The following MINDY3 variants were observed in gnomAD, a reference collection of about 807,000 sequenced individuals.
The protein encoded by MINDY3 is MINDY lysine 48 deubiquitinase 3.
In MINDY3, 38 loss-of-function variants were observed where a neutral mutation model predicts 69.2. The ratio of observed to expected loss-of-function variants is 0.55; its 90% CI spans 0.42 to 0.72. The LOEUF (loss-of-function observed/expected upper bound fraction) is 0.72. MINDY3 is among the 30% of genes least tolerant of loss of function. MINDY3 has a pLI of 0.00. For missense variants in MINDY3, 522 were observed against 519.0 expected, an observed-to-expected ratio of 1.01 and a Z score of -0.06; for synonymous variants, 192 against 180.1, an observed-to-expected ratio of 1.07 and a Z score of -0.53.
At chr10:15,827,309 A>C (rs2132028716) in intron 8 of MINDY3, among the ~76,000 whole-genome samples, 1 of 151,966 alleles carries the variant, frequency 6.6e-6, no homozygotes, top group South Asian at 2.1e-4. Flanking sequence ...TGGAAGGCCG[A>C]GGTTGACGGA....
At chr10:15,845,328 T>A (rs1833754342) in intron 2 of MINDY3, among the ~76,000 whole-genome samples, 1 of 152,164 alleles carries the variant, frequency 6.6e-6, no homozygotes, top group Non-Finnish European at 1.5e-5. Context: ...TATTATGTAT[T>A]TGGTTCCATT....
intron 10 of MINDY3, among the ~76,000 whole-genome samples, chr10:15,802,626 T>C (rs1838344300): frequency 6.6e-6 from 1 of 152,110 alleles, no homozygotes; most frequent in African/African-American, 2.4e-5. Flanking sequence ...TGAAGTTAAG[T>C]GTAAAACAAG....
intron 10 of MINDY3, among the ~76,000 whole-genome samples, chr10:15,804,189 TTATC>T (rs992010981): frequency 2.6e-5 from 4 of 152,042 alleles, no homozygotes; most frequent in Non-Finnish European, 5.9e-5. Context: ...GCTTTTAAAA[TTATC>T]TAGCCTCACT....
chr10:15,860,304 A>G lies in MINDY3; in HGVS notation c.-5T>C, dbSNP rs2297882. ...CTCTTTAGTCAGTTCGGACATGATG[A>G]GGAACCGGCGGGCGGATCTTCGCTT... is the stretch of plus-strand genomic sequence containing the variant. On this transcript the variant is annotated 5_prime_UTR_variant, in exon 1 of 15. Coordinates refer to ENST00000277632, the MANE Select transcript of MINDY3 (RefSeq NM_024948.4). The G allele has an allele frequency of 0.28, 442,054 of 1,591,298 alleles. 63,952 individuals carry two copies. Among genetic ancestry groups the G allele is most frequent in the African/African-American group, 0.46 (34,565 of 74,708 alleles).
intron 10 of MINDY3, among the ~76,000 whole-genome samples, chr10:15,807,733 G>C (rs1393362040): frequency 1.3e-5 from 2 of 152,108 alleles, no homozygotes; most frequent in Non-Finnish European, 2.9e-5. Flanking sequence ...GAAAAATTCA[G>C]TGGAAAAGAG....
Position 15,827,598 on chromosome 10 carries a change from T to C in MINDY3, c.731-5872A>G, listed in dbSNP as rs991866823. Among the ~76,000 whole-genome samples, 6 of 151,812 alleles carry C rather than the reference T, an allele frequency of 4.0e-5. No homozygotes were observed. The East Asian group carries it at 9.6e-4, about 24-fold the overall frequency. Reference sequence around the variant, plus strand: ...TAAAAGCCTTGGATATAAAAAAATATATCATTAACAAAGTTAACAAGAAAG... The same window carrying C: ...TAAAAGCCTTGGATATAAAAAAATACATCATTAACAAAGTTAACAAGAAAG... On this transcript the variant is annotated intron_variant, in intron 8 of 14. Coordinates refer to ENST00000277632, the MANE Select transcript of MINDY3 (RefSeq NM_024948.4).
intron 10 of MINDY3, among the ~76,000 whole-genome samples, chr10:15,800,839 C>T (rs1375989667): frequency 6.6e-6 from 1 of 152,096 alleles, no homozygotes; most frequent in Non-Finnish European, 1.5e-5. Flanking sequence ...CAAAATACCT[C>T]CTTGTACAAA....
intron 4 of MINDY3, among the ~76,000 whole-genome samples, chr10:15,839,755 T>G (rs1213774135): frequency 6.6e-6 from 1 of 151,634 alleles, no homozygotes; most frequent in Admixed American, 6.6e-5. Flanking sequence ...TAAGGTAAAT[T>G]CTCAAATTTT....
chr10:15,832,929 G>A (rs1338213745), intron 8 of MINDY3, among the ~76,000 whole-genome samples: 3 of 152,176 alleles, frequency 2.0e-5, no homozygotes, highest in Middle Eastern at 3.2e-3. Context: ...GAACCCTGGA[G>A]CTTCGTGTCC....
At chr10:15,793,584 C>T (rs774882009) in intron 11 of MINDY3, among the ~76,000 whole-genome samples, 12 of 151,928 alleles carry the variant, frequency 7.9e-5, no homozygotes, top group Non-Finnish European at 1.6e-4. Flanking sequence ...TTAAAAAGTA[C>T]CTTTTTATGA....
In MINDY3 at chr10:15,860,314, G is replaced by A. The variant is rs766417923; in HGVS notation, c.-15C>T. The stretch of plus-strand genomic sequence containing the variant: ...AGTTCGGACATGATGAGGAACCGGC[G>A]GGCGGATCTTCGCTTTGCGGACTCC... On this transcript the variant is annotated 5_prime_UTR_variant, in exon 1 of 15. Coordinates refer to ENST00000277632, the MANE Select transcript of MINDY3 (RefSeq NM_024948.4). 12 of 1,575,472 alleles carry A rather than the reference G, an allele frequency of 7.6e-6. No individual in the cohort carries two copies. The highest frequency in any genetic ancestry group is 1.0e-5 in the Non-Finnish European group (12 of 1,156,854).
At chr10:15,822,742 T>C (rs1232375369) in intron 8 of MINDY3, among the ~76,000 whole-genome samples, 1 of 151,934 alleles carries the variant, frequency 6.6e-6, no homozygotes, top group Non-Finnish European at 1.5e-5. Flanking sequence ...AACGTCAGGG[T>C]TGGAGATAAA....
At chr10:15,835,162 G>T (rs115864354) in intron 6 of MINDY3, among the ~76,000 whole-genome samples, 2,348 of 152,060 alleles carry the variant, frequency 0.015, 49 homozygotes, top group African/African-American at 0.051. Flanking sequence ...CAAATTAGGA[G>T]GGCAGGAAGT....
At chr10:15,837,734 T>C in intron 5 of MINDY3, 1 of 1,051,938 alleles carries the variant, frequency 9.5e-7, no homozygotes, top group African/African-American at 1.7e-5. Flanking sequence ...CATTTGCGGC[T>C]TCTTTTAAAA....
chr10:15,818,155 C>T (rs1302569053), intron 9 of MINDY3: 1 of 152,190 alleles, frequency 6.6e-6, no homozygotes, highest in African/African-American at 2.4e-5. Context: ...CTGGTCTCAT[C>T]TCAGGCAACT....
intron 8 of MINDY3, among the ~76,000 whole-genome samples, chr10:15,830,797 A>G (rs967931979): frequency 1.3e-5 from 2 of 152,208 alleles, no homozygotes; most frequent in African/African-American, 4.8e-5. Flanking sequence ...CACAGATTTC[A>G]GATCATAGAG....
intron 1 of MINDY3, chr10:15,858,055 A>ATTGCTAAATATTGCTGTGG: frequency 2.5e-6 from 1 of 396,368 alleles, no homozygotes; most frequent in Non-Finnish European, 3.4e-6. Flanking sequence ...AAGGACTGCC[A>ATTGCTAAATATTGCTGTGG]CAGCAATATT....
At chr10:15,786,460 C>G in intron 13 of MINDY3, 101 bp downstream of exon 13, 1 of 749,264 alleles carries the variant, frequency 1.3e-6, no homozygotes. Flanking sequence ...AGTCTCATAT[C>G]TGCGCATTAG....
At chr10:15,796,476 GA>G (rs746694573) in intron 10 of MINDY3, among the ~76,000 whole-genome samples, 62 of 138,264 alleles carry the variant, frequency 4.5e-4, no homozygotes, top group Middle Eastern at 3.8e-3. Flanking sequence ...AATGTAGCAT[GA>G]AAAAAAAAAA....
Sources: allele counts gnomAD v4.1 joint callset (sites outside exome capture counted in the v4.1 genomes callset), GRCh38; gene constraint gnomAD v4.1.1; transcripts MANE v1.5; gene names NCBI Gene and HGNC (gene_info 2026-07-23, HGNC 2026-07-21).